The following AP3B1 variants were observed in gnomAD, a reference collection of about 807,000 sequenced individuals.
AP3B1 encodes the protein adaptor related protein complex 3 subunit beta 1.
A neutral mutation model predicts 132.5 loss-of-function variants in AP3B1; 61 were observed. The observed-to-expected ratio is 0.46, with a 90% CI of 0.37 to 0.57. The LOEUF (loss-of-function observed/expected upper bound fraction) is 0.57. Ranked by LOEUF, AP3B1 falls within the 20% of genes least tolerant of loss-of-function variation. The probability of loss-of-function intolerance (pLI) is 0.00; values close to 1 mark genes in which losing one functional copy is unlikely to be tolerated. For missense variants in AP3B1, 1,120 were observed against 1,289.4 expected (o/e 0.87, Z 2.01); for synonymous variants, 388 against 438.3 (o/e 0.89, Z 1.43).
chr5:78,111,066 T>C (rs922441393), intron 19 of AP3B1, among the ~76,000 whole-genome samples: 3 of 152,140 alleles, frequency 2.0e-5, no homozygotes, highest in African/African-American at 7.2e-5. Context: ...TTTAGTAATA[T>C]ATTTAAATAT....
At chr5:78,168,658 T>C (rs1743765664) in intron 11 of AP3B1, among the ~76,000 whole-genome samples, 1 of 152,216 alleles carries the variant, frequency 6.6e-6, no homozygotes, top group Non-Finnish European at 1.5e-5. Flanking sequence ...CAAAAACTTC[T>C]ATGTATATTT....
chr5:78,090,059 T>C (rs1467504812), intron 21 of AP3B1, among the ~76,000 whole-genome samples: 1 of 152,180 alleles, frequency 6.6e-6, no homozygotes, highest in African/African-American at 2.4e-5. Context: ...GGAAATCTTC[T>C]AAAAATGCAA....
At chr5:78,083,368 C>A (rs923616331) in intron 22 of AP3B1, among the ~76,000 whole-genome samples, 3 of 152,134 alleles carry the variant, frequency 2.0e-5, no homozygotes, top group Admixed American at 6.5e-5. Context: ...ATTTAAAGCA[C>A]AACAGATCAA....
chr5:78,091,229 T>C (rs558304728), intron 21 of AP3B1, among the ~76,000 whole-genome samples: 43 of 127,616 alleles, frequency 3.4e-4, no homozygotes, highest in African/African-American at 1.3e-3. Flanking sequence ...AAGTTCAAGA[T>C]CCTCAAGTAA....
At chr5:78,128,706 G>A (rs2112299980) in intron 16 of AP3B1, among the ~76,000 whole-genome samples, 1 of 152,068 alleles carries the variant, frequency 6.6e-6, no homozygotes, top group East Asian at 1.9e-4. Flanking sequence ...AATATAGAGG[G>A]ATACTTTTTA....
intron 22 of AP3B1, among the ~76,000 whole-genome samples, chr5:78,076,926 C>T (rs1269918828): frequency 6.6e-6 from 1 of 152,124 alleles, no homozygotes; most frequent in African/African-American, 2.4e-5. Context: ...AATCATTTTG[C>T]TAAAATTGTA....
intron 7 of AP3B1, among the ~76,000 whole-genome samples, chr5:78,189,850 A>G (rs568357089): frequency 1.3e-5 from 2 of 151,494 alleles, no homozygotes; most frequent in East Asian, 1.9e-4. Flanking sequence ...AGACTGGATG[A>G]CAGAGCAAGA....
intron 3 of AP3B1, among the ~76,000 whole-genome samples, chr5:78,233,300 C>T (rs1746731417): frequency 6.7e-6 from 1 of 149,712 alleles, no homozygotes; most frequent in Non-Finnish European, 1.5e-5. Context: ...ATGGCATGAT[C>T]TCAGCTCACC....
chr5:78,249,538 T>C (rs1747537540), intron 2 of AP3B1, among the ~76,000 whole-genome samples: 2 of 151,936 alleles, frequency 1.3e-5, no homozygotes, highest in African/African-American at 4.8e-5. Flanking sequence ...AAGGCTCTGT[T>C]CTTTTCAATC....
rs1746091620 is a variant in AP3B1 at position 78,219,450 on chromosome 5, G to A, written c.604-3213C>T. ...TAGGAAAGTGTTTAGGACATGTTGA[G>A]AAGGTAGATGAAAATGGTATAAAAT... On this transcript the variant is annotated intron_variant, in intron 6 of 26. Coordinates refer to ENST00000255194, the MANE Select transcript of AP3B1 (RefSeq NM_003664.5). Among the ~76,000 whole-genome samples the A allele has an allele frequency of 3.3e-5, 5 of 152,032 alleles. No individual in the cohort carries two copies. The South Asian group carries it at 1.0e-3, about 31-fold the overall frequency.
chr5:78,041,492 G>A (rs1395229087), intron 22 of AP3B1, among the ~76,000 whole-genome samples: 1 of 151,766 alleles, frequency 6.6e-6, no homozygotes, highest in Non-Finnish European at 1.5e-5. Flanking sequence ...TCAGGAAGTT[G>A]AGGCTGCAGT....
chr5:78,203,978 G>A (rs1284796276), intron 7 of AP3B1, among the ~76,000 whole-genome samples: 1 of 152,038 alleles, frequency 6.6e-6, no homozygotes, highest in East Asian at 1.9e-4. Context: ...TCTCTACTTG[G>A]AGAGTCATTG....
At chr5:78,171,166 G>A (rs960955690) in intron 11 of AP3B1, among the ~76,000 whole-genome samples, 36 of 152,266 alleles carry the variant, frequency 2.4e-4, no homozygotes, top group Non-Finnish European at 3.5e-4. Flanking sequence ...GTCAGGCAGC[G>A]TGATGCCTCC....
chr5:78,245,611 A>G (rs1366473156), intron 2 of AP3B1, among the ~76,000 whole-genome samples: 2 of 151,946 alleles, frequency 1.3e-5, no homozygotes, highest in African/African-American at 2.4e-5. Flanking sequence ...AAGCTCTTAG[A>G]CTCCTTGAAC....
At chr5:78,214,220 A>G (rs1720226431) in intron 7 of AP3B1, among the ~76,000 whole-genome samples, 1 of 152,344 alleles carries the variant, frequency 6.6e-6, no homozygotes, top group Non-Finnish European at 1.5e-5. Flanking sequence ...ATTCATGTTC[A>G]TGGAGTTAAC....
intron 11 of AP3B1, among the ~76,000 whole-genome samples, chr5:78,172,512 T>C (rs890481610): frequency 1.2e-4 from 19 of 152,238 alleles, no homozygotes; most frequent in Non-Finnish European, 2.9e-5. Flanking sequence ...GATTTTCTAG[T>C]TGATTTGCAT....
intron 3 of AP3B1, among the ~76,000 whole-genome samples, chr5:78,232,095 A>T (rs149888458): frequency 1.3e-5 from 2 of 152,362 alleles, no homozygotes; most frequent in African/African-American, 4.8e-5. Flanking sequence ...AGATAAAACA[A>T]TAAAGATATT....
At chr5:78,083,445 C>T (rs1488977110) in intron 22 of AP3B1, among the ~76,000 whole-genome samples, 4 of 152,196 alleles carry the variant, frequency 2.6e-5, no homozygotes, top group Non-Finnish European at 4.4e-5. Context: ...TATTCTTACA[C>T]ACAAAATTGT....
chr5:78,053,795 G>A (rs1748693005), intron 22 of AP3B1, among the ~76,000 whole-genome samples: 1 of 151,934 alleles, frequency 6.6e-6, no homozygotes, highest in Non-Finnish European at 1.5e-5. Context: ...ACTATACGAG[G>A]TCTCTCTAAT....
Sources: allele counts gnomAD v4.1 joint callset (sites outside exome capture counted in the v4.1 genomes callset), GRCh38; gene constraint gnomAD v4.1.1; transcripts MANE v1.5; gene names NCBI Gene and HGNC (gene_info 2026-07-23, HGNC 2026-07-21).